CSGALNACT1: variants seen among roughly 807,000 people sequenced by gnomAD.
CSGALNACT1 encodes the protein beta4GalNAcT-1.
In CSGALNACT1, 52 loss-of-function variants were observed where a neutral mutation model predicts 51.0. That is an observed-to-expected ratio of 1.02 (90% CI 0.82 to 1.29). The LOEUF is 1.29. CSGALNACT1 is among the 50% of genes most tolerant of loss of function. CSGALNACT1 has a pLI of 0.00. For missense variants in CSGALNACT1, 935 were observed against 679.2 expected (o/e 1.38, Z -4.19); for synonymous variants, 341 against 254.4 (o/e 1.34, Z -3.24).
At chr8:19,614,835 C>G (rs956725959) in intron 1 of CSGALNACT1, among the ~76,000 whole-genome samples, 1 of 152,212 alleles carries the variant, frequency 6.6e-6, no homozygotes, top group African/African-American at 2.4e-5. Flanking sequence ...CGGTGCTGCC[C>G]TTGCTGGCCA....
chr8:19,650,413 G>T lies in CSGALNACT1; in HGVS notation c.-544+32060C>A, dbSNP rs7006487. Among the ~76,000 whole-genome samples the T allele has an allele frequency of 7.2e-5, 11 of 152,074 alleles. No homozygotes were observed. The South Asian group carries it at 2.3e-3, about 32-fold the overall frequency. On this transcript the variant is annotated intron_variant, in intron 1 of 9. Transcript: ENST00000332246. Reference sequence around the variant, plus strand: ...AAAGTCGATTTCAAAAGATCCAGGAGGGGTTCTAGTTTCAAGAATGAGAGA... The same window carrying T: ...AAAGTCGATTTCAAAAGATCCAGGATGGGTTCTAGTTTCAAGAATGAGAGA...
At chr8:19,583,246 A>G (rs953207249) in intron 3 of CSGALNACT1, among the ~76,000 whole-genome samples, 1 of 152,196 alleles carries the variant, frequency 6.6e-6, no homozygotes, top group African/African-American at 2.4e-5. Context: ...CATTGCTACA[A>G]CAATGCTAGG....
At chr8:19,688,063 TC>T in intron 1 of CSGALNACT1, among the ~76,000 whole-genome samples, 1 of 152,124 alleles carries the variant, frequency 6.6e-6, no homozygotes. Context: ...TCTCAAAACA[TC>T]CCTCTGAAGT....
At chr8:19,751,380 T>A (rs2065016836) in intron 1 of CSGALNACT1, among the ~76,000 whole-genome samples, 1 of 152,162 alleles carries the variant, frequency 6.6e-6, no homozygotes. Flanking sequence ...ATTTAAGGGC[T>A]CCATCAGTGT....
At chr8:19,408,359 A>G (rs974092492) in intron 9 of CSGALNACT1, among the ~76,000 whole-genome samples, 7 of 146,364 alleles carry the variant, frequency 4.8e-5, no homozygotes, top group East Asian at 4.5e-4. Flanking sequence ...GAGAATCGCT[A>G]TGTTGTCCAA....
intron 4 of CSGALNACT1, among the ~76,000 whole-genome samples, chr8:19,500,441 TCCA>T (rs10567311): frequency 0.15 from 22,126 of 152,136 alleles, 1,677 homozygotes; most frequent in Middle Eastern, 0.21. Context: ...TCTTATGATT[TCCA>T]CCACAAGTCA....
intron 6 of CSGALNACT1, among the ~76,000 whole-genome samples, chr8:19,430,793 T>A (rs750772902): frequency 1.2e-4 from 19 of 152,168 alleles, no homozygotes; most frequent in Admixed American, 3.9e-4. Context: ...CTGAGTACTG[T>A]CATTTGAAGA....
At chr8:19,653,637 T>C (rs2058019025) in intron 1 of CSGALNACT1, among the ~76,000 whole-genome samples, 1 of 151,914 alleles carries the variant, frequency 6.6e-6, no homozygotes, top group Non-Finnish European at 1.5e-5. Flanking sequence ...CTACAAAAAG[T>C]TAAAAAAATT....
intron 1 of CSGALNACT1, among the ~76,000 whole-genome samples, chr8:19,734,758 G>C (rs1048620394): frequency 6.6e-6 from 1 of 152,082 alleles, no homozygotes; most frequent in East Asian, 1.9e-4. Flanking sequence ...CCGGATAGCT[G>C]AAGAAAACCT....
intron 1 of CSGALNACT1, among the ~76,000 whole-genome samples, chr8:19,696,834 G>C (rs1439082745): frequency 1.3e-5 from 2 of 152,200 alleles, no homozygotes; most frequent in Non-Finnish European, 2.9e-5. Flanking sequence ...AGAAAGCTTA[G>C]ATGGTGCTGA....
At chr8:19,599,472 A>AAAAGAAAGAAAG (rs201098374) in intron 2 of CSGALNACT1, among the ~76,000 whole-genome samples, 12,375 of 113,568 alleles carry the variant, frequency 0.11, 898 homozygotes, top group South Asian at 0.13. Context: ...GAAAGAAAGA[A>AAAAGAAAGAAAG]AAAGAAAGAA....
Position 19,669,101 on chromosome 8 carries a change from T to G in CSGALNACT1, c.-544+13372A>C, listed in dbSNP as rs1049226344. 3.3e-5 allele frequency among the ~76,000 whole-genome samples: 5 copies of G among 152,342 alleles called. No individual in the cohort carries two copies. In the South Asian group the frequency reaches 1.0e-3, roughly 32 times the overall value. ...CAGCAGGCTTCTTGGAGTCTAGACATGTGGATTTCATTCAAAAGTATGTTG... is the reference window on the plus strand; with the variant it reads ...CAGCAGGCTTCTTGGAGTCTAGACAGGTGGATTTCATTCAAAAGTATGTTG... On this transcript the variant is annotated intron_variant, in intron 1 of 9. Coordinates refer to the CSGALNACT1 transcript ENST00000332246.
At chr8:19,617,768 C>T (rs1047276106) in intron 1 of CSGALNACT1, among the ~76,000 whole-genome samples, 3 of 152,124 alleles carry the variant, frequency 2.0e-5, no homozygotes, top group African/African-American at 7.2e-5. Flanking sequence ...GTTAGGATAT[C>T]TTAAAATAAA....
At chr8:19,647,443 A>G (rs2057381212) in intron 1 of CSGALNACT1, among the ~76,000 whole-genome samples, 1 of 152,214 alleles carries the variant, frequency 6.6e-6, no homozygotes, top group Non-Finnish European at 1.5e-5. Flanking sequence ...AATAAAAAAT[A>G]AAAGTGGCCA....
At chr8:19,754,597 C>A (rs900374432) in intron 1 of CSGALNACT1, among the ~76,000 whole-genome samples, 7 of 152,120 alleles carry the variant, frequency 4.6e-5, no homozygotes, top group Admixed American at 4.6e-4. Flanking sequence ...CTCTTTTAAG[C>A]CCTTAACTCT....
At chr8:19,544,482 A>C (rs2086014810) in intron 3 of CSGALNACT1, among the ~76,000 whole-genome samples, 1 of 152,172 alleles carries the variant, frequency 6.6e-6, no homozygotes, top group Non-Finnish European at 1.5e-5. Flanking sequence ...AAAGCTAACA[A>C]TTTCGTGTGT....
intron 4 of CSGALNACT1, among the ~76,000 whole-genome samples, chr8:19,485,340 A>C (rs1261580229): frequency 6.6e-6 from 1 of 152,050 alleles, no homozygotes; most frequent in Non-Finnish European, 1.5e-5. Flanking sequence ...CCTTCAAAAT[A>C]TGTCCAGATT....
At chr8:19,435,047 G>T (rs2060172911) in intron 6 of CSGALNACT1, among the ~76,000 whole-genome samples, 1 of 152,040 alleles carries the variant, frequency 6.6e-6, no homozygotes, top group African/African-American at 2.4e-5. Context: ...ATACACTCTG[G>T]CAGGGCAGTG....
chr8:19,652,413 G>A (rs1330847221), intron 1 of CSGALNACT1, among the ~76,000 whole-genome samples: 1 of 152,112 alleles, frequency 6.6e-6, no homozygotes, highest in African/African-American at 2.4e-5. Flanking sequence ...GACCATGGAT[G>A]CATATCTAGA....
Sources: allele counts gnomAD v4.1 joint callset (sites outside exome capture counted in the v4.1 genomes callset), GRCh38; gene constraint gnomAD v4.1.1; transcripts MANE v1.5; gene names NCBI Gene and HGNC (gene_info 2026-07-23, HGNC 2026-07-21).